COMMD1: variants seen among roughly 807,000 people sequenced by gnomAD.
The protein encoded by COMMD1 is COMM domain-containing protein 1.
Under a neutral mutation model 17.2 loss-of-function variants are expected in COMMD1, and 10 were observed. That is an observed-to-expected ratio of 0.58 (90% CI 0.36 to 0.99). The LOEUF (loss-of-function observed/expected upper bound fraction) is 0.99. Ranked by LOEUF, COMMD1 falls within the 50% of genes least tolerant of loss-of-function variation. COMMD1 has a pLI of 0.01. For synonymous variants in COMMD1, 97 were observed against 91.6 expected, an observed-to-expected ratio of 1.06 and a Z score of -0.34; for missense variants, 270 against 231.8, an observed-to-expected ratio of 1.17 and a Z score of -1.07.
rs553419051 is a variant in COMMD1, at chr2:62,038,951, G to A, written c.462+37969G>A. Among the ~76,000 whole-genome samples, 15 of 152,202 alleles carry A rather than the reference G, an allele frequency of 9.9e-5. No homozygotes were observed. In the South Asian group the frequency reaches 2.9e-3, roughly 30 times the overall value. ...TATACTCATATACACAGCATATATA[G>A]TTGTGTGTATGTATTTTGAAAAACT... is the stretch of plus-strand genomic sequence containing the variant. On this transcript the variant is annotated intron_variant, in intron 2 of 2. Coordinates refer to ENST00000311832, the MANE Select transcript of COMMD1 (RefSeq NM_152516.4).
intron 2 of COMMD1, among the ~76,000 whole-genome samples, chr2:62,125,416 C>G (rs1161870821): frequency 6.6e-6 from 1 of 152,144 alleles, no homozygotes; most frequent in Non-Finnish European, 1.5e-5. Flanking sequence ...TGATGTCAGT[C>G]CTTTTTCAGC....
chr2:61,919,683 T>G (rs1470769683), intron 1 of COMMD1, among the ~76,000 whole-genome samples: 1 of 152,082 alleles, frequency 6.6e-6, no homozygotes, highest in Middle Eastern at 3.2e-3. Context: ...GTGCCCTGAG[T>G]TTTGCTTCTT....
rs555085540 is a variant in COMMD1, at chr2:61,981,955, G to A, written c.181-18746G>A. 1.2e-4 allele frequency among the ~76,000 whole-genome samples: 18 copies of A among 152,266 alleles called. No individual in the cohort carries two copies. The East Asian group carries it at 3.5e-3, about 29-fold the overall frequency. On this transcript the variant is annotated intron_variant, in intron 1 of 2. Transcript: ENST00000311832. Reference sequence around the variant, plus strand: ...AGTTTTGTTCTTTTTGCTCAGGATAGCTTTGGCGATTCTGGGTCTTTTATG... The same window carrying A: ...AGTTTTGTTCTTTTTGCTCAGGATAACTTTGGCGATTCTGGGTCTTTTATG...
intron 1 of COMMD1, among the ~76,000 whole-genome samples, chr2:61,896,723 A>G (rs1669555066): frequency 6.6e-6 from 1 of 152,174 alleles, no homozygotes; most frequent in South Asian, 2.1e-4. Flanking sequence ...CCTAAAAAAC[A>G]GCAGATGCAT....
intron 2 of COMMD1, among the ~76,000 whole-genome samples, chr2:62,129,902 G>C (rs963520206): frequency 6.6e-6 from 1 of 152,134 alleles, no homozygotes; most frequent in Non-Finnish European, 1.5e-5. Context: ...TGAGCCGGGC[G>C]CCGTGGCTTA....
intron 1 of COMMD1, among the ~76,000 whole-genome samples, chr2:61,993,816 A>G (rs1668663363): frequency 6.6e-6 from 1 of 152,218 alleles, no homozygotes; most frequent in Admixed American, 6.5e-5. Flanking sequence ...AACTTTTGTC[A>G]CAGATGAAAT....
chr2:61,890,111 C>T (rs1350235575), intron 1 of COMMD1, among the ~76,000 whole-genome samples: 1 of 152,190 alleles, frequency 6.6e-6, no homozygotes, highest in Non-Finnish European at 1.5e-5. Context: ...TGTTCGCTCA[C>T]AATTATTAAG....
intron 2 of COMMD1, among the ~76,000 whole-genome samples, chr2:62,128,142 A>G (rs1393509160): frequency 6.6e-6 from 1 of 151,944 alleles, no homozygotes; most frequent in Non-Finnish European, 1.5e-5. Context: ...AGCCTGGCCA[A>G]AATGGTGAAA....
intron 2 of COMMD1, among the ~76,000 whole-genome samples, chr2:62,039,574 G>A (rs1399961546): frequency 6.6e-6 from 1 of 152,150 alleles, no homozygotes; most frequent in Non-Finnish European, 1.5e-5. Context: ...CACCATGGTT[G>A]GATAGCCCAA....
At chr2:61,986,564 C>CTTTTT (rs70946773) in intron 1 of COMMD1, among the ~76,000 whole-genome samples, 54 of 94,510 alleles carry the variant, frequency 5.7e-4, no homozygotes, top group Non-Finnish European at 7.9e-4. Context: ...AGGCATCATT[C>CTTTTT]TTTTTTTTTT....
chr2:61,957,240 A>G (rs1036839648), intron 1 of COMMD1, among the ~76,000 whole-genome samples: 1 of 152,068 alleles, frequency 6.6e-6, no homozygotes, highest in African/African-American at 2.4e-5. Flanking sequence ...TTACAGGTGT[A>G]GGTTTATAAC....
intron 2 of COMMD1, among the ~76,000 whole-genome samples, chr2:62,052,386 T>C (rs10206730): frequency 0.083 from 12,709 of 152,224 alleles, 1,301 homozygotes; most frequent in African/African-American, 0.24. Flanking sequence ...TATTTCTCTT[T>C]TATGTAAAAG....
chr2:61,969,933 T>A (rs532571905), intron 1 of COMMD1, among the ~76,000 whole-genome samples: 9 of 151,616 alleles, frequency 5.9e-5, no homozygotes, highest in Admixed American at 4.6e-4. Context: ...CCGATGTAAG[T>A]GGAAAAAGAG....
chr2:61,952,694 C>G (rs370796903), intron 1 of COMMD1, among the ~76,000 whole-genome samples: 5 of 152,182 alleles, frequency 3.3e-5, no homozygotes, highest in African/African-American at 9.7e-5. Flanking sequence ...TCCAGTTTCC[C>G]TGTGTTGCTG....
intron 1 of COMMD1, among the ~76,000 whole-genome samples, chr2:61,912,331 C>T (rs1477194208): frequency 6.6e-6 from 1 of 152,134 alleles, no homozygotes; most frequent in Non-Finnish European, 1.5e-5. Flanking sequence ...AGAGAGAAAA[C>T]ATATACCACT....
In COMMD1 at chr2:61,950,711, A is replaced by G. The variant is rs139338002; in HGVS notation, c.180+44853A>G. Among the ~76,000 whole-genome samples the G allele has an allele frequency of 3.8e-3, 576 of 152,318 alleles. 2 individuals are homozygous for G. The highest frequency in any genetic ancestry group is 5.8e-3 in the Non-Finnish European group (396 of 68,032). ...CTTTAACACAGGCACTGTGACACTG[A>G]AATAATTGACCTGATAACTGAGAAG... On this transcript the variant is annotated intron_variant, in intron 1 of 2. Coordinates refer to ENST00000311832, the MANE Select transcript of COMMD1 (RefSeq NM_152516.4).
intron 1 of COMMD1, among the ~76,000 whole-genome samples, chr2:61,955,405 C>T (rs1463542158): frequency 6.6e-6 from 1 of 151,990 alleles, no homozygotes; most frequent in Non-Finnish European, 1.5e-5. Context: ...GAGGCATGTG[C>T]CACTGTACCT....
chr2:61,909,479 G>GTTAAGA (rs1669851756), intron 1 of COMMD1, among the ~76,000 whole-genome samples: 1 of 152,142 alleles, frequency 6.6e-6, no homozygotes, highest in Non-Finnish European at 1.5e-5. Context: ...AGGATTCTGA[G>GTTAAGA]TTAAGAACAT....
intron 1 of COMMD1, among the ~76,000 whole-genome samples, chr2:61,926,128 G>A (rs1274790096): frequency 2.6e-5 from 4 of 151,866 alleles, no homozygotes; most frequent in South Asian, 2.1e-4. Flanking sequence ...CTACCACCAC[G>A]CCTGGCTAAT....
Sources: allele counts gnomAD v4.1 joint callset (sites outside exome capture counted in the v4.1 genomes callset), GRCh38; gene constraint gnomAD v4.1.1; transcripts MANE v1.5; gene names NCBI Gene and HGNC (gene_info 2026-07-23, HGNC 2026-07-21).